Variants in EGFL7 observed in about 807,000 individuals in gnomAD.
EGFL7 encodes EGF like domain multiple 7, also known as epidermal growth factor-like protein 7.
A neutral mutation model predicts 37.1 loss-of-function variants in EGFL7; 48 were observed. The ratio of observed to expected loss-of-function variants is 1.29; its 90% CI spans 1.03 to 1.65. The LOEUF is 1.65. EGFL7 is among the 40% of genes most tolerant of loss of function. The pLI is 0.00. For synonymous variants in EGFL7, 180 were observed against 156.8 expected (o/e 1.15, Z -1.10); for missense variants, 384 against 378.9 (o/e 1.01, Z -0.11).
chr9:136,659,703 G>A (rs1330852959), upstream of EGFL7: 1 of 152,394 alleles, frequency 6.6e-6, no homozygotes, highest in African/African-American at 2.4e-5. Context: ...GGACAACATG[G>A]CCCTGCTGAC....
intron 5 of EGFL7, among the ~76,000 whole-genome samples, chr9:136,668,893 C>T (rs1340718155): frequency 5.3e-5 from 8 of 152,162 alleles, no homozygotes; most frequent in East Asian, 1.9e-4. Flanking sequence ...TGCCCCGACA[C>T]GTCTCAAAGG....
rs567396326 is a variant in EGFL7 at position 136,666,224 on chromosome 9, G to T, written c.-43+1439G>T. On this transcript the variant is annotated intron_variant, in intron 3 of 10. Coordinates refer to ENST00000308874, the MANE Select transcript of EGFL7 (RefSeq NM_016215.5). The surrounding 1 kb of genome is among the most constrained non-coding windows in gnomAD (Gnocchi z 6.8). The stretch of plus-strand genomic sequence containing the variant: ...GCGGCTGGGAGGGGGCGGCGGGCAG[G>T]TCCGTCTCGCTCCGCCTCTGCGCCC... Among the ~76,000 whole-genome samples, 1,137 of 151,432 alleles carry T rather than the reference G, an allele frequency of 7.5e-3. 14 individuals carry two copies. The highest frequency in any genetic ancestry group is 0.026 in the African/African-American group (1,086 of 41,470).
chr9:136,665,813 C>A, intron 3 of EGFL7: 1 of 145,208 alleles, frequency 6.9e-6, no homozygotes, highest in South Asian at 2.0e-4. Flanking sequence ...GCCCCGGATC[C>A]GGCGGTGAGT....
chr9:136,669,940 G>T lies in EGFL7; in HGVS notation c.340G>T (p.Gly114Ter). The change falls in exon 7 of 11, where the codon GGA becomes TGA. Residue 114 changes from glycine (G) to a stop codon, truncating the protein, a stop_gained. Coordinates refer to ENST00000308874, the MANE Select transcript of EGFL7 (RefSeq NM_016215.5). LOFTEE classifies it high-confidence loss of function. Reference protein sequence around the residue: ...AAICQPPCRNGGSCVQPGRCR... With the variant: ...AAICQPPCRN ...AATATGCCAGCCGCCATGCCGGAAC[G>T]GAGGGAGCTGTGTCCAGCCTGGCCG... 1.2e-6 allele frequency: 2 copies of T among 1,605,494 alleles called. No individual in the cohort carries two copies. Among genetic ancestry groups the T allele is most frequent in the Admixed American group, 1.7e-5 (1 of 59,272 alleles).
At chr9:136,660,625 A>G (rs530771015), upstream of EGFL7, among the ~76,000 whole-genome samples, 1 of 152,290 alleles carries the variant, frequency 6.6e-6, no homozygotes, top group South Asian at 2.1e-4. Context: ...CTGTAAGCAC[A>G]GCAGTCAGTT....
At chr9:136,663,235 G>A (rs1220084906) in intron 1 of EGFL7, 127 bp downstream of exon 1, 1 of 152,410 alleles carries the variant, frequency 6.6e-6, no homozygotes, top group Non-Finnish European at 1.5e-5. Context: ...TCACAGGGGA[G>A]GGGTCCCAGT....
At chr9:136,660,523 C>T (rs1338517140), upstream of EGFL7, 1 of 152,444 alleles carries the variant, frequency 6.6e-6, no homozygotes, top group Non-Finnish European at 1.5e-5. Context: ...AAGTTGGCAG[C>T]AGGCGGTGCC....
intron 8 of EGFL7, 67 bp from the exon 9 acceptor site, chr9:136,670,883 G>T: frequency 7.0e-7 from 1 of 1,438,202 alleles, no homozygotes; most frequent in South Asian, 1.2e-5. Flanking sequence ...CCTGGGGACA[G>T]GAGGGAGCCT....
At position 136,664,295 on chromosome 9, in the gene EGFL7, G is replaced by A. The variant is rs138963650; in HGVS notation, c.-136-397G>A. Among the ~76,000 whole-genome samples, 537 of 152,252 alleles carry A rather than the reference G, an allele frequency of 3.5e-3. 5 individuals carry two copies. The highest frequency in any genetic ancestry group is 0.011 in the African/African-American group (465 of 41,530). On this transcript the variant is annotated intron_variant, in intron 2 of 10. Transcript: ENST00000308874. ...CTCATTTTGGGGACTCCTCTCCAGG[G>A]ACCTGGGCCCCTCCCTTCCTCCAGC... is the stretch of plus-strand genomic sequence containing the variant.
intron 3 of EGFL7, among the ~76,000 whole-genome samples, chr9:136,667,404 C>T (rs978818444): frequency 2.6e-5 from 4 of 152,214 alleles, no homozygotes; most frequent in Non-Finnish European, 5.9e-5. Flanking sequence ...AGACCCCTGG[C>T]TGCGCATAGG....
chr9:136,670,294 AAGGGAGGG>A lies in EGFL7; in HGVS notation c.536_543del (p.Lys179ThrfsTer102). The A allele has an allele frequency of 4.4e-6, 7 of 1,602,624 alleles. No individual in the cohort carries two copies. Among genetic ancestry groups the A allele is most frequent in the Middle Eastern group, 1.7e-4 (1 of 5,954 alleles). ...TGCAGACGGTACACTCTGTGTGCCC[AAGGGAGGG>A]CCCCCCAGGGTGGCCCCCAACCCGA... On this transcript the variant is annotated frameshift_variant, in exon 8 of 11. Coordinates refer to ENST00000308874, the MANE Select transcript of EGFL7 (RefSeq NM_016215.5). LOFTEE classifies it high-confidence loss of function.
rs2119108633 is a variant in EGFL7, at chr9:136,666,532, C to G, written c.-42-1709C>G. Among the ~76,000 whole-genome samples, 1 of 152,260 alleles carries G rather than the reference C, an allele frequency of 6.6e-6. No individual in the cohort carries two copies. The highest frequency in any genetic ancestry group is 2.4e-5 in the African/African-American group (1 of 41,552). On this transcript the variant is annotated intron_variant, in intron 3 of 10. Coordinates refer to ENST00000308874, the MANE Select transcript of EGFL7 (RefSeq NM_016215.5). This position sits in a 1 kb window ranked among gnomAD's most constrained non-coding sequence, Gnocchi z 6.8. ...GCTTGCAGCACCGGCTCGGAGAGCA[C>G]CACGGGCTTCCTCTGGCCTCGGGAA...
At chr9:136,664,386 G>A (rs1297723477) in intron 2 of EGFL7, among the ~76,000 whole-genome samples, 1 of 152,174 alleles carries the variant, frequency 6.6e-6, no homozygotes, top group Non-Finnish European at 1.5e-5. Flanking sequence ...CCCTTGCCCA[G>A]CACCCTGGGT....
At chr9:136,669,865 G>T in intron 6 of EGFL7, 49 bp from the exon 7 acceptor site, 1 of 1,512,408 alleles carries the variant, frequency 6.6e-7, no homozygotes, top group South Asian at 1.2e-5. Context: ...TGCCCCCACA[G>T]GGTGCTGGGG....
At chr9:136,671,399 A>G (rs898161091) in intron 9 of EGFL7, among the ~76,000 whole-genome samples, 5 of 152,026 alleles carry the variant, frequency 3.3e-5, no homozygotes, top group African/African-American at 9.7e-5. Context: ...CTCCTGGGAC[A>G]TGGTCCCGAC....
chr9:136,671,536 C>T (rs554616661), intron 9 of EGFL7, among the ~76,000 whole-genome samples: 3 of 72,986 alleles, frequency 4.1e-5, no homozygotes, highest in Admixed American at 1.3e-4. Flanking sequence ...CTGACCAGGA[C>T]CCCCCAGGGC....
upstream of EGFL7, among the ~76,000 whole-genome samples, chr9:136,662,168 C>T (rs1481629654): frequency 2.6e-5 from 4 of 152,316 alleles, no homozygotes; most frequent in East Asian, 3.9e-4. Context: ...CCCACACCCC[C>T]GGCCGCAGCC....
chr9:136,670,965 TGAAG>T lies in EGFL7; in HGVS notation c.592_595del (p.Glu198LysfsTer55). 6.9e-7 allele frequency: 1 copy of T among 1,457,270 alleles called. No homozygotes were observed. Among genetic ancestry groups the T allele is most frequent in the Non-Finnish European group, 9.0e-7 (1 of 1,108,122 alleles). 90.3% of individuals were successfully genotyped at this position (1,457,270 alleles called of 1,614,324 possible). On this transcript the variant is annotated frameshift_variant, in exon 9 of 11. Transcript: ENST00000308874. LOFTEE classifies it high-confidence loss of function. ...CTGCCCGCAGGAGTGGACAGTGCAA[TGAAG>T]GAAGAAGTGCAGAGGCTGCAGTCCA...
upstream of EGFL7, among the ~76,000 whole-genome samples, chr9:136,662,046 G>A (rs1197103475): frequency 6.6e-6 from 1 of 150,888 alleles, no homozygotes; most frequent in Non-Finnish European, 1.5e-5. Flanking sequence ...CGCTCGGCCT[G>A]AGGCTCCCAC....
Sources: gnomAD v4.1 joint callset for allele counts (sites outside exome capture counted in the v4.1 genomes callset) on GRCh38, gnomAD v4.1.1 for gene constraint, Gnocchi (gnomAD v3.1) non-coding constraint, MANE v1.5 for transcripts, NCBI Gene and HGNC (gene_info 2026-07-23, HGNC 2026-07-21) for gene names.